Variants in SGSM1 observed in about 807,000 individuals in gnomAD.
SGSM1 encodes the protein small G protein signaling modulator 1, also known as RUN and TBC1 domain containing 2.
Under a neutral mutation model 133.8 loss-of-function variants are expected in SGSM1, and 73 were observed. The observed-to-expected ratio is 0.55, with a 90% confidence interval of 0.45 to 0.66. SGSM1 has a LOEUF of 0.66. Ranked by LOEUF, SGSM1 falls within the 30% of genes least tolerant of loss-of-function variation. The pLI is 0.00. For synonymous variants in SGSM1, 563 were observed against 573.0 expected (o/e 0.98, Z 0.25); for missense variants, 1,213 against 1,448.1 (o/e 0.84, Z 2.64).
At position 24,848,151 on chromosome 22, in the gene SGSM1, G is replaced by A. The variant is rs559707492; in HGVS notation, c.302+355G>A. On this transcript the variant is annotated intron_variant, in intron 4 of 24. Transcript: ENST00000400358. ...TGTCAGGTTTGTTTGTTTGTTGTCT[G>A]TCTATCTCACTTGATGCAGAACTTC... Among the ~76,000 whole-genome samples the A allele has an allele frequency of 1.2e-4, 18 of 151,782 alleles. No individual in the cohort carries two copies. The East Asian group carries it at 3.5e-3, about 29-fold the overall frequency.
intron 21 of SGSM1, among the ~76,000 whole-genome samples, chr22:24,906,379 G>T (rs576913566): frequency 3.1e-4 from 47 of 152,274 alleles, no homozygotes; most frequent in African/African-American, 1.1e-3. Flanking sequence ...GCCGCCAAAG[G>T]TTCTAGCCAG....
chr22:24,895,311 G>A lies in SGSM1; in HGVS notation c.2022+20G>A, dbSNP rs1932889322. 5 of 1,603,718 alleles carry A rather than the reference G, an allele frequency of 3.1e-6. No homozygotes were observed. Among genetic ancestry groups the A allele is most frequent in the Non-Finnish European group, 4.3e-6 (5 of 1,175,356 alleles). ...ACACAGGTGACCTTGTGGAGGCCTCGCCCCCTCCCACCCACTCCTCTCCCT... is the reference window on the plus strand; with the variant it reads ...ACACAGGTGACCTTGTGGAGGCCTCACCCCCTCCCACCCACTCCTCTCCCT... On this transcript the variant is annotated intron_variant, in intron 18 of 24. Transcript: ENST00000400358.
At position 24,851,445 on chromosome 22, in the gene SGSM1, G is replaced by A. The variant is rs1323970668; in HGVS notation, c.455+1013G>A. Among the ~76,000 whole-genome samples the A allele has an allele frequency of 9.8e-5, 11 of 112,224 alleles. 1 individual carries two copies. The South Asian group carries it at 2.9e-3, about 29-fold the overall frequency. 73.6% of individuals were successfully genotyped at this position (112,224 alleles called of 152,430 possible). ...AGGTGGCAGGAAGGGAGGGGGGGGT[G>A]GGGGGAGAGAGAGAGAGAGAGAGAG... On this transcript the variant is annotated intron_variant, in intron 5 of 24. Coordinates refer to ENST00000400358, the MANE Select transcript of SGSM1 (RefSeq NM_001098497.3).
At chr22:24,916,526 G>A (rs1035786203) in intron 22 of SGSM1, among the ~76,000 whole-genome samples, 9 of 151,918 alleles carry the variant, frequency 5.9e-5, no homozygotes. Context: ...AACCCCGTCC[G>A]TCTCTATTAA....
intron 20 of SGSM1, 43 bp from the exon 21 acceptor site, chr22:24,905,062 G>A (rs1453155256): frequency 6.4e-7 from 1 of 1,568,626 alleles, no homozygotes; most frequent in African/African-American, 1.4e-5. Context: ...GGTTGGAGAG[G>A]CAGGCCACGG....
chr22:24,903,430 A>G (rs1203151803), intron 20 of SGSM1, among the ~76,000 whole-genome samples: 13 of 151,974 alleles, frequency 8.6e-5, no homozygotes, highest in Non-Finnish European at 1.3e-4. Context: ...GCTGGTCTTG[A>G]ACTCCTGAGC....
Position 24,855,332 on chromosome 22 carries a change from T to A in SGSM1, c.571T>A (p.Phe191Ile). 6.2e-7 allele frequency: 1 copy of A among 1,613,168 alleles called. No individual in the cohort carries two copies. Among genetic ancestry groups the A allele is most frequent in the Non-Finnish European group, 8.5e-7 (1 of 1,179,576 alleles). Residue 191 changes from phenylalanine to isoleucine, a missense_variant, in exon 7 of 25, where the codon TTC (phenylalanine) becomes ATC (isoleucine). Phe to Ile is a conservative substitution (Grantham distance 21). Transcript: ENST00000400358. ...EYTKMKTADHFWTDPSADELV... is the reference protein window; with the variant it reads ...EYTKMKTADHIWTDPSADELV... ...CACCAAGATGAAGACTGCAGATCAC[T>A]TCTGGACCGATCCCTCGGCTGACGA...
chr22:24,898,616 A>T (rs1249014978), intron 19 of SGSM1, 57 bp downstream of exon 19: 2 of 1,494,880 alleles, frequency 1.3e-6, no homozygotes, highest in African/African-American at 2.8e-5. Flanking sequence ...GGAGGGTGGG[A>T]TGTACTACAA....
chr22:24,917,472 C>T (rs545512353), intron 22 of SGSM1, among the ~76,000 whole-genome samples, 186 bp from the exon 23 acceptor site: 8 of 152,204 alleles, frequency 5.3e-5, no homozygotes, highest in African/African-American at 9.6e-5. Context: ...TTTCATATGC[C>T]GCTTGGCCAT....
chr22:24,898,310 G>A lies in SGSM1; in HGVS notation c.2361G>A (p.Leu787=). The A allele has an allele frequency of 1.2e-6, 2 of 1,613,956 alleles. No individual in the cohort carries two copies. Among genetic ancestry groups the A allele is most frequent in the South Asian group, 1.1e-5 (1 of 91,080 alleles). ...AVQDSLESDL[L]ANESMDEFMS... Reference sequence around the variant, plus strand: ...AGGACAGCCTGGAGAGTGACCTCCTGGCCAACGAGAGCATGGACGAGTTCA... The same window carrying A: ...AGGACAGCCTGGAGAGTGACCTCCTAGCCAACGAGAGCATGGACGAGTTCA... Residue 787 remains leucine, a synonymous_variant, in exon 19 of 25, where the codon CTG becomes CTA. Coordinates refer to ENST00000400358, the MANE Select transcript of SGSM1 (RefSeq NM_001098497.3).
chr22:24,898,213 G>A lies in SGSM1; in HGVS notation c.2264G>A (p.Ser755Asn), dbSNP rs766143259. ...TPTVLRPRDG[S>N]VDDRQSSEAT... Reference sequence around the variant, plus strand: ...ACGGTGCTGCGACCTAGGGATGGCAGCGTGGATGACAGGCAGAGCAGCGAG... The same window carrying A: ...ACGGTGCTGCGACCTAGGGATGGCAACGTGGATGACAGGCAGAGCAGCGAG... Residue 755 changes from serine to asparagine, a missense_variant, in exon 19 of 25, where the codon AGC becomes AAC. Physicochemically the swap from Ser to Asn is conservative, Grantham distance 46. Coordinates refer to ENST00000400358, the MANE Select transcript of SGSM1 (RefSeq NM_001098497.3). The A allele has an allele frequency of 6.2e-7, 1 of 1,613,642 alleles. No individual in the cohort carries two copies. Among genetic ancestry groups the A allele is most frequent in the South Asian group, 1.1e-5 (1 of 91,078 alleles).
intron 3 of SGSM1, among the ~76,000 whole-genome samples, chr22:24,847,412 C>A (rs991602856): frequency 2.6e-5 from 4 of 152,180 alleles, no homozygotes; most frequent in Admixed American, 2.6e-4. Flanking sequence ...ATCCGACACC[C>A]AGCAGATGCC....
At chr22:24,900,395 C>CTTTCTTTCTTCTTTCTTTCTTTCT (rs1569171017) in intron 19 of SGSM1, among the ~76,000 whole-genome samples, 9 of 71,178 alleles carry the variant, frequency 1.3e-4, no homozygotes, top group Admixed American at 3.2e-4. Flanking sequence ...TTCTTTCTTT[C>CTTTCTTTCTTCTTTCTTTCTTTCT]TTTCTTTCTT....
chr22:24,908,571 G>A (rs1448669938), intron 21 of SGSM1, among the ~76,000 whole-genome samples: 1 of 152,168 alleles, frequency 6.6e-6, no homozygotes, highest in Non-Finnish European at 1.5e-5. Flanking sequence ...GGGAGGCCGA[G>A]GCGGGCAGAT....
At chr22:24,817,702 AC>A (rs11360399) in intron 2 of SGSM1, among the ~76,000 whole-genome samples, 39,312 of 151,774 alleles carry the variant, frequency 0.26, 6,151 homozygotes, top group East Asian at 0.58. Context: ...CAACCCAAAT[AC>A]CCAAGTACGG....
At chr22:24,857,590 A>G (rs1930882123) in intron 8 of SGSM1, among the ~76,000 whole-genome samples, 1 of 152,160 alleles carries the variant, frequency 6.6e-6, no homozygotes, top group South Asian at 2.1e-4. Flanking sequence ...CACAGGGAAA[A>G]TATCATTGAA....
intron 9 of SGSM1, among the ~76,000 whole-genome samples, chr22:24,861,729 T>G (rs1931163360): frequency 6.6e-6 from 1 of 151,652 alleles, no homozygotes; most frequent in South Asian, 2.1e-4. Context: ...TGTATTTTCG[T>G]TAGATACGGG....
intron 22 of SGSM1, among the ~76,000 whole-genome samples, chr22:24,913,267 T>A (rs1156622327): frequency 3.0e-5 from 4 of 133,970 alleles, no homozygotes; most frequent in African/African-American, 1.2e-4. Flanking sequence ...CACTCCAGCC[T>A]GGGCGACAGA....
chr22:24,864,573 C>T (rs1931346731), intron 9 of SGSM1, among the ~76,000 whole-genome samples: 1 of 152,280 alleles, frequency 6.6e-6, no homozygotes, highest in African/African-American at 2.4e-5. Flanking sequence ...AAGCCAGCCA[C>T]GAAGGGTGCA....
Sources: allele counts gnomAD v4.1 joint callset (sites outside exome capture counted in the v4.1 genomes callset), GRCh38; gene constraint gnomAD v4.1.1; transcripts MANE v1.5; gene names NCBI Gene and HGNC (gene_info 2026-07-23, HGNC 2026-07-21).